Variants in FGF14 observed in about 807,000 individuals in gnomAD.
The protein encoded by FGF14 is fibroblast growth factor homologous factor 4.
A neutral mutation model predicts 25.5 loss-of-function variants in FGF14; 5 were observed. That is an observed-to-expected ratio of 0.20 (90% CI 0.10 to 0.41). The LOEUF is 0.41. Among genes scored for constraint, FGF14 ranks in the 10% least tolerant of loss-of-function variants. The pLI, the probability that FGF14 is intolerant of heterozygous loss-of-function variation, is 1.00. For missense variants in FGF14, 222 were observed against 320.1 expected (o/e 0.69, Z 2.34); for synonymous variants, 138 against 118.3 (o/e 1.17, Z -1.08).
intron 1 of FGF14, among the ~76,000 whole-genome samples, chr13:102,218,469 T>C (rs956617032): frequency 2.6e-5 from 4 of 151,896 alleles, no homozygotes; most frequent in Non-Finnish European, 4.4e-5. Context: ...GAATTCCTAG[T>C]TGAATTGTGG....
In FGF14 at chr13:101,818,650, A is replaced by C. The variant is rs1594361876; in HGVS notation, c.408+50075T>G. On this transcript the variant is annotated intron_variant, in intron 3 of 4. Transcript: ENST00000376143. The stretch of plus-strand genomic sequence containing the variant: ...ATTAATAGATATTAATAGGTATCTT[A>C]AGCAGAATTACAACCTGCCAGTAAT... Among the ~76,000 whole-genome samples, 4 of 152,214 alleles carry C rather than the reference A, an allele frequency of 2.6e-5. No homozygotes were observed. In the South Asian group the frequency reaches 8.3e-4, roughly 32 times the overall value.
chr13:102,061,140 T>A (rs1250239108), intron 1 of FGF14, among the ~76,000 whole-genome samples: 1 of 152,190 alleles, frequency 6.6e-6, no homozygotes, highest in African/African-American at 2.4e-5. Flanking sequence ...AACCTTGCAC[T>A]CATTCTCCAA....
At chr13:102,119,974 C>T (rs1245644461) in intron 1 of FGF14, among the ~76,000 whole-genome samples, 1 of 152,132 alleles carries the variant, frequency 6.6e-6, no homozygotes, top group Non-Finnish European at 1.5e-5. Context: ...GAACATTGCC[C>T]TCACCCATCA....
At chr13:101,966,986 A>G (rs564727269) in intron 1 of FGF14, among the ~76,000 whole-genome samples, 1 of 152,328 alleles carries the variant, frequency 6.6e-6, no homozygotes, top group East Asian at 1.9e-4. Flanking sequence ...TTAAACTGAT[A>G]TCAGCAGTTA....
chr13:102,322,085 C>T (rs1345954363), intron 1 of FGF14, among the ~76,000 whole-genome samples: 3 of 152,170 alleles, frequency 2.0e-5, no homozygotes, highest in Admixed American at 6.6e-5. Context: ...TTCCAGCATT[C>T]ACTGTAATGA....
intron 1 of FGF14, among the ~76,000 whole-genome samples, chr13:102,247,559 A>G (rs2051941776): frequency 6.6e-6 from 1 of 152,058 alleles, no homozygotes; most frequent in South Asian, 2.1e-4. Flanking sequence ...ACACCAATCA[A>G]AATGACTATT....
At chr13:102,176,519 T>C (rs145410076) in intron 1 of FGF14, among the ~76,000 whole-genome samples, 1 of 152,226 alleles carries the variant, frequency 6.6e-6, no homozygotes, top group Non-Finnish European at 1.5e-5. Flanking sequence ...ACCTCACCAT[T>C]ACACAATACA....
chr13:101,768,398 C>A (rs2038544773), intron 3 of FGF14, among the ~76,000 whole-genome samples: 1 of 152,148 alleles, frequency 6.6e-6, no homozygotes, highest in African/African-American at 2.4e-5. Flanking sequence ...TTATTTCCAA[C>A]TTGATCTATA....
chr13:102,012,311 C>T (rs1808315130), intron 1 of FGF14, among the ~76,000 whole-genome samples: 1 of 152,116 alleles, frequency 6.6e-6, no homozygotes, highest in East Asian at 1.9e-4. Flanking sequence ...TTTCTCACTC[C>T]TGTGCTTGAG....
At chr13:102,395,476 A>ATGTC (rs2058557947) in intron 1 of FGF14, 1 of 152,198 alleles carries the variant, frequency 6.6e-6, no homozygotes, top group Non-Finnish European at 1.5e-5. Flanking sequence ...GGCCAAGGGA[A>ATGTC]TGTCTGCAGG....
At chr13:102,257,491 A>G (rs2052506623) in intron 1 of FGF14, among the ~76,000 whole-genome samples, 1 of 151,240 alleles carries the variant, frequency 6.6e-6, no homozygotes, top group Non-Finnish European at 1.5e-5. Context: ...AGTTGGGACT[A>G]TAGGCATACA....
intron 1 of FGF14, among the ~76,000 whole-genome samples, chr13:102,353,684 T>C (rs2057350381): frequency 6.6e-6 from 1 of 152,188 alleles, no homozygotes; most frequent in African/African-American, 2.4e-5. Flanking sequence ...TGGACCTCGC[T>C]ACCTCCCACT....
chr13:101,931,772 C>T (rs139312184), intron 1 of FGF14, among the ~76,000 whole-genome samples: 1 of 152,194 alleles, frequency 6.6e-6, no homozygotes, highest in Admixed American at 6.5e-5. Flanking sequence ...AGTACTTCAG[C>T]GGATCTGTAC....
chr13:102,246,600 T>G (rs1336722), intron 1 of FGF14, among the ~76,000 whole-genome samples: 51,952 of 151,774 alleles, frequency 0.34, 9,192 homozygotes, highest in Admixed American at 0.45. Context: ...AGTTAATGAT[T>G]GACTCTATTA....
At chr13:101,909,637 G>A (rs1199353962) in intron 1 of FGF14, among the ~76,000 whole-genome samples, 1 of 152,194 alleles carries the variant, frequency 6.6e-6, no homozygotes, top group East Asian at 1.9e-4. Flanking sequence ...CTTTTACACT[G>A]TTGGTGGGAC....
At chr13:101,858,824 A>G (rs1018940672) in intron 3 of FGF14, among the ~76,000 whole-genome samples, 2 of 152,114 alleles carry the variant, frequency 1.3e-5, no homozygotes, top group Non-Finnish European at 2.9e-5. Context: ...TTTTCTAATT[A>G]TAATTATTAA....
chr13:101,982,304 A>G (rs1029342762), intron 1 of FGF14, among the ~76,000 whole-genome samples: 11 of 152,196 alleles, frequency 7.2e-5, no homozygotes, highest in Non-Finnish European at 1.6e-4. Flanking sequence ...TTTAGATCTA[A>G]AAGTATTTGA....
chr13:101,826,928 C>T (rs1483698109), intron 3 of FGF14, among the ~76,000 whole-genome samples: 1 of 151,900 alleles, frequency 6.6e-6, no homozygotes, highest in African/African-American at 2.4e-5. Context: ...CCTCGGTAGT[C>T]ACAGCAATAA....
intron 1 of FGF14, among the ~76,000 whole-genome samples, chr13:101,910,877 T>TG (rs1030744103): frequency 1.3e-5 from 2 of 149,094 alleles, no homozygotes; most frequent in African/African-American, 5.0e-5. Flanking sequence ...TGTGTGTGTG[T>TG]GTGTGTGTGT....
Sources: gnomAD v4.1 joint callset for allele counts (sites outside exome capture counted in the v4.1 genomes callset) on GRCh38, gnomAD v4.1.1 for gene constraint, MANE v1.5 for transcripts, NCBI Gene and HGNC (gene_info 2026-07-23, HGNC 2026-07-21) for gene names.